Variants in FAXDC2 observed in about 807,000 individuals in gnomAD.
The protein encoded by FAXDC2 is fatty acid hydroxylase domain-containing protein 2.
In FAXDC2, 41 loss-of-function variants were observed where a neutral mutation model predicts 40.9. The ratio of observed to expected loss-of-function variants is 1.00; its 90% confidence interval spans 0.78 to 1.30. The LOEUF (loss-of-function observed/expected upper bound fraction) is 1.30, where lower values mean the gene tolerates loss of function less well. Among genes scored for constraint, FAXDC2 ranks in the 50% most tolerant of loss-of-function variants. The probability of loss-of-function intolerance (pLI) is 0.00; values close to 1 mark genes in which losing one functional copy is unlikely to be tolerated. For synonymous variants in FAXDC2, 157 were observed against 149.3 expected, an observed-to-expected ratio of 1.05 and a Z score of -0.38; for missense variants, 390 against 408.8, an observed-to-expected ratio of 0.95 and a Z score of 0.40.
At chr5:154,829,053 C>T (rs1760123320) in intron 5 of FAXDC2, among the ~76,000 whole-genome samples, 1 of 150,820 alleles carries the variant, frequency 6.6e-6, no homozygotes, top group Non-Finnish European at 1.5e-5. Context: ...CCACCATGCC[C>T]AGCTAATTTT....
chr5:154,842,115 G>T (rs1246700234), intron 1 of FAXDC2, among the ~76,000 whole-genome samples: 3 of 152,126 alleles, frequency 2.0e-5, no homozygotes, highest in African/African-American at 7.2e-5. Flanking sequence ...AAGGGAGGTA[G>T]TGGTGTTAGG....
rs1760171091 is a variant in FAXDC2 at position 154,830,863 on chromosome 5, C to T, written c.304G>A (p.Asp102Asn). The T allele has an allele frequency of 1.2e-6, 2 of 1,614,042 alleles. No individual in the cohort carries two copies. Among genetic ancestry groups the T allele is most frequent in the Non-Finnish European group, 1.7e-6 (2 of 1,180,020 alleles). Residue 102 changes from aspartate (D) to asparagine (N), a missense_variant, in exon 5 of 9, where the codon GAC becomes AAC. Transcript: ENST00000326080. ...WSFNGLLLVV[D>N]TTGKPNFISR... The stretch of plus-strand genomic sequence containing the variant: ...ATGAAGTTAGGTTTTCCTGTTGTGT[C>T]AACCACCAATAGAAGCCCATTGAAG...
chr5:154,844,500 A>G (rs1423043249), intron 1 of FAXDC2, among the ~76,000 whole-genome samples: 1 of 152,182 alleles, frequency 6.6e-6, no homozygotes, highest in African/African-American at 2.4e-5. Context: ...ATGCTTTCTT[A>G]TGGTGTGCAA....
intron 1 of FAXDC2, 27 bp from the exon 2 acceptor site, chr5:154,838,205 G>A (rs368981232): frequency 1.2e-4 from 195 of 1,608,876 alleles, no homozygotes; most frequent in African/African-American, 2.0e-4. Context: ...CAGGCGAGCC[G>A]GGGAGTTATT....
chr5:154,846,269 A>AGTGTGTGTGTGTGTGTGT (rs10674936), intron 1 of FAXDC2, among the ~76,000 whole-genome samples: 1 of 147,346 alleles, frequency 6.8e-6, no homozygotes. Flanking sequence ...TGAACTAGAT[A>AGTGTGTGTGTGTGTGTGT]GTGTGTGTGT....
At chr5:154,845,869 T>C (rs968430405) in intron 1 of FAXDC2, among the ~76,000 whole-genome samples, 1 of 151,272 alleles carries the variant, frequency 6.6e-6, no homozygotes, top group East Asian at 1.9e-4. Context: ...CACTGCAACC[T>C]CTGCCTCCCG....
chr5:154,821,098 A>G (rs747403671), intron 8 of FAXDC2, 162 bp downstream of exon 8: 1 of 632,468 alleles, frequency 1.6e-6, no homozygotes, highest in Non-Finnish European at 2.7e-6. Flanking sequence ...TCAGAAGGAA[A>G]AGAGTAAGGT....
intron 5 of FAXDC2, among the ~76,000 whole-genome samples, chr5:154,827,321 C>A (rs1223833868): frequency 8.3e-5 from 12 of 144,484 alleles, no homozygotes; most frequent in Admixed American, 4.1e-4. Context: ...AAAAAAAAAA[C>A]CAACAAAACC....
At chr5:154,834,159 A>G (rs1760262557) in intron 4 of FAXDC2, among the ~76,000 whole-genome samples, 1 of 151,756 alleles carries the variant, frequency 6.6e-6, no homozygotes, top group Non-Finnish European at 1.5e-5. Flanking sequence ...TGTTATAAAT[A>G]TCTATGTTTA....
intron 1 of FAXDC2, among the ~76,000 whole-genome samples, chr5:154,840,004 C>G (rs949540253): frequency 6.6e-6 from 1 of 152,092 alleles, no homozygotes; most frequent in African/African-American, 2.4e-5. Flanking sequence ...ATCATCTGGT[C>G]CCACCATGTT....
At chr5:154,834,592 A>T (rs1181262948) in intron 4 of FAXDC2, 33 bp downstream of exon 4, 3 of 1,391,922 alleles carry the variant, frequency 2.2e-6, no homozygotes, top group East Asian at 4.6e-5. Flanking sequence ...TCATGCACCC[A>T]CATGCTAGGT....
In FAXDC2 at chr5:154,820,061, C is replaced by A. The variant is rs1417181560; in HGVS notation, c.*255G>T. The stretch of plus-strand genomic sequence containing the variant: ...GGACCAGGGGTCTCCTCCCTCTGAC[C>A]AGCCTCCAGTCTGGGGAGCTGTGTT... On this transcript the variant is annotated 3_prime_UTR_variant, in exon 9 of 9. Transcript: ENST00000326080. 2.7e-6 allele frequency: 1 copy of A among 372,802 alleles called. No homozygotes were observed. Among genetic ancestry groups the A allele is most frequent in the Non-Finnish European group, 5.2e-6 (1 of 193,554 alleles). The allele number at this position is 372,802 out of a possible 1,614,324, so 23.1% of individuals were successfully genotyped here. A position where few individuals can be genotyped will look rare whatever the true frequency, so the allele number is the denominator to read the frequency against.
At chr5:154,821,104 A>G (rs915569149) in intron 8 of FAXDC2, 156 bp downstream of exon 8, 1 of 659,224 alleles carries the variant, frequency 1.5e-6, no homozygotes, top group Non-Finnish European at 2.6e-6. Flanking sequence ...GGAAAAGAGT[A>G]AGGTCATCCC....
rs554882994 is a variant in FAXDC2, at chr5:154,821,059, A to T, written c.845+201T>A. On this transcript the variant is annotated intron_variant, in intron 8 of 8. Transcript: ENST00000326080. ...GGGCCCAGAGTCCAAATAAAGGTTT[A>T]AAACCCCCAGTTGGAGGAGGACCCA... is the stretch of plus-strand genomic sequence containing the variant. 9 of 565,560 alleles carry T rather than the reference A, an allele frequency of 1.6e-5. No individual in the cohort carries two copies. The Admixed American group carries it at 1.8e-4, about 11-fold the overall frequency. 35.0% of individuals were successfully genotyped at this position (565,560 alleles called of 1,614,324 possible).
At chr5:154,835,164 A>G in intron 2 of FAXDC2, 2 of 481,992 alleles carry the variant, frequency 4.1e-6, no homozygotes, top group Non-Finnish European at 7.5e-6. Context: ...AAGTTGGGGG[A>G]GGGAAGGGAA....
Position 154,834,729 on chromosome 5 carries a change from C to T in FAXDC2, c.141-1G>A. ...AGCACCCCAAAATCTCTGAAGATGC[C>T]TTGGAAAAAAAACCAGGTTTCTGGG... On this transcript the variant is annotated splice_acceptor_variant, in intron 3 of 8. Transcript: ENST00000326080. LOFTEE classifies it high-confidence loss of function. The T allele has an allele frequency of 1.2e-6, 2 of 1,613,404 alleles. No individual in the cohort carries two copies. The highest frequency in any genetic ancestry group is 1.7e-6 in the Non-Finnish European group (2 of 1,179,780).
intron 1 of FAXDC2, among the ~76,000 whole-genome samples, chr5:154,850,066 T>A (rs550083646): frequency 4.6e-5 from 7 of 152,356 alleles, no homozygotes; most frequent in African/African-American, 1.7e-4. Context: ...TGAGAAGCAA[T>A]TAGGCAGCAG....
rs764315028 is a variant in FAXDC2 at position 154,834,704 on chromosome 5, A to G, written c.165T>C (p.Ala55=). Residue 55 remains alanine, a synonymous_variant, in exon 4 of 9, where the codon GCT becomes GCC. Coordinates refer to ENST00000326080, the MANE Select transcript of FAXDC2 (RefSeq NM_032385.5). ...VTWHLQRFWG[A]SGYFWQAQWE... Reference sequence around the variant, plus strand: ...ACTGGGCTTGCCAAAAGTAGCCAGAAGCACCCCAAAATCTCTGAAGATGCC... The same window carrying G: ...ACTGGGCTTGCCAAAAGTAGCCAGAGGCACCCCAAAATCTCTGAAGATGCC... 6.2e-7 allele frequency: 1 copy of G among 1,613,824 alleles called. No homozygotes were observed.
In FAXDC2 at chr5:154,837,065, GTT is replaced by G. The variant is rs759742540; in HGVS notation, c.48+1064_48+1065del. Among the ~76,000 whole-genome samples the G allele has an allele frequency of 3.9e-5, 6 of 152,226 alleles. No homozygotes were observed. The East Asian group carries it at 9.7e-4, about 25-fold the overall frequency. On this transcript the variant is annotated intron_variant, in intron 2 of 8. Coordinates refer to ENST00000326080, the MANE Select transcript of FAXDC2 (RefSeq NM_032385.5). ...AAGCAATCTGAATCTGCACTGAACT[GTT>G]TCTTCTCAGCATTATCCTATCCCAC...
Sources: gnomAD v4.1 joint callset for allele counts (sites outside exome capture counted in the v4.1 genomes callset) on GRCh38, gnomAD v4.1.1 for gene constraint, MANE v1.5 for transcripts, NCBI Gene and HGNC (gene_info 2026-07-23, HGNC 2026-07-21) for gene names.